Variants in PSPC1 observed in about 807,000 individuals in gnomAD.
PSPC1 encodes paraspeckle component 1.
A neutral mutation model predicts 51.6 loss-of-function variants in PSPC1; 14 were observed. That is an observed-to-expected ratio of 0.27 (90% CI 0.18 to 0.42). The LOEUF (loss-of-function observed/expected upper bound fraction) is 0.42, where lower values mean the gene tolerates loss of function less well. Among genes scored for constraint, PSPC1 ranks in the 10% least tolerant of loss-of-function variants. The pLI is 1.00. For missense variants in PSPC1, 406 were observed against 701.1 expected, an observed-to-expected ratio of 0.58 and a Z score of 4.75; for synonymous variants, 193 against 231.9, an observed-to-expected ratio of 0.83 and a Z score of 1.53.
chr13:19,712,920 G>C (rs1405267457), intron 6 of PSPC1, among the ~76,000 whole-genome samples: 1 of 152,082 alleles, frequency 6.6e-6, no homozygotes, highest in East Asian at 1.9e-4. Context: ...CATGTCTTCA[G>C]GCTGTTACTT....
chr13:19,755,146 G>A (rs189363091), intron 3 of PSPC1, among the ~76,000 whole-genome samples: 135 of 152,006 alleles, frequency 8.9e-4, no homozygotes, highest in African/African-American at 3.2e-3. Context: ...TGAGGTGGAA[G>A]GATCACTTGA....
At chr13:19,682,542 C>T (rs1326500186) in intron 6 of PSPC1, among the ~76,000 whole-genome samples, 1 of 145,700 alleles carries the variant, frequency 6.9e-6, no homozygotes, top group Non-Finnish European at 1.5e-5. Flanking sequence ...CAGAAGTTAT[C>T]GGAAAATGTT....
At chr13:19,684,438 AC>A (rs1480781196) in intron 6 of PSPC1, among the ~76,000 whole-genome samples, 1 of 152,208 alleles carries the variant, frequency 6.6e-6, no homozygotes, top group Non-Finnish European at 1.5e-5. Flanking sequence ...TCCCACTGTT[AC>A]TTATTTAATG....
At chr13:19,707,250 AT>A (rs1880803849) in intron 7 of PSPC1, among the ~76,000 whole-genome samples, 1 of 152,202 alleles carries the variant, frequency 6.6e-6, no homozygotes, top group Non-Finnish European at 1.5e-5. Flanking sequence ...AACTATGGGT[AT>A]AAAAAATCAA....
intron 6 of PSPC1, among the ~76,000 whole-genome samples, chr13:19,729,264 T>C (rs1883742968): frequency 6.6e-6 from 1 of 152,168 alleles, no homozygotes; most frequent in Non-Finnish European, 1.5e-5. Context: ...CGGCTGGGCA[T>C]GGTGGCTGAC....
At chr13:19,748,538 C>A (rs549195289) in intron 4 of PSPC1, among the ~76,000 whole-genome samples, 21 of 152,184 alleles carry the variant, frequency 1.4e-4, no homozygotes, top group Non-Finnish European at 2.8e-4. Flanking sequence ...GCAAAGTTTT[C>A]TAAGAGCTCA....
intron 5 of PSPC1, among the ~76,000 whole-genome samples, chr13:19,732,674 T>A (rs916012703): frequency 6.6e-5 from 10 of 152,174 alleles, no homozygotes; most frequent in Non-Finnish European, 1.3e-4. Context: ...ACGCCTGTAA[T>A]CCCACACTTT....
At chr13:19,716,072 T>C (rs1882058609) in intron 6 of PSPC1, among the ~76,000 whole-genome samples, 1 of 152,158 alleles carries the variant, frequency 6.6e-6, no homozygotes, top group Non-Finnish European at 1.5e-5. Flanking sequence ...CTTCAGGCTA[T>C]GTATATAAGA....
intron 5 of PSPC1, among the ~76,000 whole-genome samples, chr13:19,733,420 G>A (rs1593651833): frequency 6.6e-6 from 1 of 152,106 alleles, no homozygotes; most frequent in African/African-American, 2.4e-5. Flanking sequence ...CAGAAGCGAA[G>A]GTGGGAGGAT....
intron 6 of PSPC1, 67 bp downstream of exon 6, chr13:19,730,172 G>T: frequency 1.5e-6 from 2 of 1,335,684 alleles, no homozygotes. Flanking sequence ...AAAATCTAAA[G>T]CATTCTAAAT....
chr13:19,749,986 A>G (rs991907716), intron 4 of PSPC1, among the ~76,000 whole-genome samples: 9 of 152,186 alleles, frequency 5.9e-5, no homozygotes, highest in Admixed American at 2.0e-4. Context: ...TGACTTCATC[A>G]TAAGTGCTCA....
At chr13:19,734,209 A>AT (rs1173618498) in intron 5 of PSPC1, among the ~76,000 whole-genome samples, 1 of 152,136 alleles carries the variant, frequency 6.6e-6, no homozygotes, top group Non-Finnish European at 1.5e-5. Flanking sequence ...CAGGTCAAGG[A>AT]TTGCTTTCTA....
chr13:19,761,634 AT>A (rs1294107064), intron 2 of PSPC1, among the ~76,000 whole-genome samples: 3 of 152,236 alleles, frequency 2.0e-5, no homozygotes, highest in African/African-American at 7.2e-5. Context: ...TAAAGCAGGT[AT>A]GGAATATCAT....
At position 19,718,979 on chromosome 13, in the gene PSPC1, G is replaced by A. The variant is rs368578720; in HGVS notation, c.1159-9380C>T. On this transcript the variant is annotated intron_variant, in intron 6 of 8. Transcript: ENST00000338910. ...TGCCAAGGGTTAGGTGGAAGGGATA[G>A]AGAAGCAGAGCACAGATTTTTAAGG... Among the ~76,000 whole-genome samples the A allele has an allele frequency of 5.0e-3, 715 of 144,400 alleles. 5 individuals carry two copies. The highest frequency in any genetic ancestry group is 0.029 in the South Asian group (126 of 4,404). The allele number at this position is 144,400 out of a possible 152,430, so 94.7% of individuals were successfully genotyped here. A position where few individuals can be genotyped will look rare whatever the true frequency, so the allele number is the denominator to read the frequency against.
chr13:19,732,666 G>T (rs150040412), intron 5 of PSPC1, among the ~76,000 whole-genome samples: 1 of 152,096 alleles, frequency 6.6e-6, no homozygotes, highest in Non-Finnish European at 1.5e-5. Context: ...GGTGGCTCAC[G>T]CCTGTAATCC....
chr13:19,768,229 CA>C (rs913543873), intron 2 of PSPC1, among the ~76,000 whole-genome samples: 8 of 150,000 alleles, frequency 5.3e-5, no homozygotes, highest in Admixed American at 1.3e-4. Context: ...TGTCCCCCCC[CA>C]AAAAAATAAA....
intron 1 of PSPC1, among the ~76,000 whole-genome samples, chr13:19,781,819 A>G (rs1481535037): frequency 2.0e-5 from 3 of 152,194 alleles, no homozygotes; most frequent in Non-Finnish European, 4.4e-5. Flanking sequence ...AAAGTGGTCT[A>G]CCCTTAAACG....
intron 7 of PSPC1, among the ~76,000 whole-genome samples, chr13:19,677,490 T>G (rs943746752): frequency 6.6e-6 from 1 of 152,212 alleles, no homozygotes; most frequent in Non-Finnish European, 1.5e-5. Flanking sequence ...GAGTCCCCTC[T>G]AGCCTTGCTG....
In PSPC1 at chr13:19,749,637, C is replaced by CTTT. The variant is rs59422281; in HGVS notation, c.967+1631_967+1633dup. Among the ~76,000 whole-genome samples, 185 of 138,306 alleles carry CTTT rather than the reference C, an allele frequency of 1.3e-3. 1 individual carries two copies. Among genetic ancestry groups the CTTT allele is most frequent in the African/African-American group, 4.3e-3 (161 of 37,562 alleles). The allele number at this position is 138,306 out of a possible 152,430, so 90.7% of individuals were successfully genotyped here. ...TTCCACAAAATAAAAGACAGTTTAT[C>CTTT]TTTTTTTTTTTTTTTGAAATGGAGT... is the stretch of plus-strand genomic sequence containing the variant. On this transcript the variant is annotated intron_variant, in intron 4 of 8. Transcript: ENST00000338910.
Sources: allele counts gnomAD v4.1 joint callset (sites outside exome capture counted in the v4.1 genomes callset), GRCh38; gene constraint gnomAD v4.1.1; transcripts MANE v1.5; gene names NCBI Gene and HGNC (gene_info 2026-07-23, HGNC 2026-07-21).